Variants in DENND4A observed in about 807,000 individuals in gnomAD.
DENND4A encodes the protein DENN domain containing 4A.
In DENND4A, 70 loss-of-function variants were observed where a neutral mutation model predicts 199.3. The ratio of observed to expected loss-of-function variants is 0.35; its 90% CI spans 0.29 to 0.43. DENND4A has a LOEUF of 0.43. Among genes scored for constraint, DENND4A ranks in the 20% least tolerant of loss-of-function variants. DENND4A has a pLI of 1.00. For synonymous variants in DENND4A, 686 were observed against 766.9 expected (o/e 0.89, Z 1.74); for missense variants, 1,723 against 2,255.8 (o/e 0.76, Z 4.78).
intron 13 of DENND4A, among the ~76,000 whole-genome samples, 185 bp from the exon 14 acceptor site, chr15:65,715,808 A>C (rs2075381014): frequency 6.6e-6 from 1 of 152,100 alleles, no homozygotes; most frequent in African/African-American, 2.4e-5. Flanking sequence ...AGGAACATAA[A>C]CCCAGATCTC....
chr15:65,726,056 A>G (rs1383729247), intron 11 of DENND4A: 5 of 152,212 alleles, frequency 3.3e-5, no homozygotes, highest in Admixed American at 3.3e-4. Flanking sequence ...TCTTTAACTC[A>G]TTAGTGATCA....
chr15:65,690,730 G>A lies in DENND4A; in HGVS notation c.3864C>T (p.Val1288=), dbSNP rs369999751. 4 of 1,613,394 alleles carry A rather than the reference G, an allele frequency of 2.5e-6. No homozygotes were observed. The highest frequency in any genetic ancestry group is 3.3e-5 in the Admixed American group (2 of 59,908). Residue 1288 remains valine, a synonymous_variant, in exon 23 of 33, where the codon GTC becomes GTT. Transcript: ENST00000443035. The part of the protein sequence containing the change: ...DKLNKKSPPL[V]KACRRSSLPP... ...GCAGACTAGATCTTCTGCATGCCTT[G>A]ACCAATGGTGGACTTTTCTTATTTA...
Position 65,756,400 on chromosome 15 carries a change from T to C in DENND4A, c.51A>G (p.Gly17=), listed in dbSNP as rs1258228921. ...PRVADYFVVA[G]LTDVSKPLEE... is the part of the protein sequence containing the mutation. ...CTAGAGGCTTTGAAACATCAGTTAA[T>C]CCTGCTACAACAAAGTAGTCAGCAA... The change falls in exon 3 of 33, where the codon GGA becomes GGG. Residue 17 remains glycine (G), a synonymous_variant. Transcript: ENST00000443035. The C allele has an allele frequency of 6.2e-7, 1 of 1,613,798 alleles. No homozygotes were observed. Among genetic ancestry groups the C allele is most frequent in the African/African-American group, 1.3e-5 (1 of 75,006 alleles).
intron 12 of DENND4A, among the ~76,000 whole-genome samples, chr15:65,720,791 T>C (rs7167810): frequency 0.2 from 30,860 of 150,974 alleles, 4,205 homozygotes; most frequent in East Asian, 0.73. Flanking sequence ...CCTCCTTCAA[T>C]CTCATTCTCA....
At chr15:65,763,947 T>C (rs2076918930) in intron 1 of DENND4A, among the ~76,000 whole-genome samples, 1 of 152,220 alleles carries the variant, frequency 6.6e-6, no homozygotes, top group Non-Finnish European at 1.5e-5. Context: ...ACTGACTTGC[T>C]GAAACATTTT....
intron 32 of DENND4A, among the ~76,000 whole-genome samples, chr15:65,662,473 A>AT (rs886092746): frequency 3.3e-5 from 5 of 151,428 alleles, no homozygotes; most frequent in African/African-American, 7.3e-5. Context: ...CCATGTAATG[A>AT]TTTTTTTTTC....
chr15:65,694,647 C>T (rs2077084347), intron 22 of DENND4A, among the ~76,000 whole-genome samples: 1 of 152,036 alleles, frequency 6.6e-6, no homozygotes, highest in African/African-American at 2.4e-5. Flanking sequence ...CCGAAAAATG[C>T]TTTAAATCCT....
chr15:65,712,101 C>G (rs1281550804), intron 14 of DENND4A, among the ~76,000 whole-genome samples: 1 of 152,086 alleles, frequency 6.6e-6, no homozygotes, highest in Admixed American at 6.5e-5. Flanking sequence ...CCATCTTTTC[C>G]CTATTCCAAA....
At chr15:65,711,029 CT>C (rs1054305732) in intron 14 of DENND4A, among the ~76,000 whole-genome samples, 18 of 152,046 alleles carry the variant, frequency 1.2e-4, no homozygotes, top group African/African-American at 4.3e-4. Context: ...AATTAAACCT[CT>C]TTTTTTTATT....
chr15:65,784,371 A>T (rs898723515), intron 1 of DENND4A, among the ~76,000 whole-genome samples: 3 of 152,152 alleles, frequency 2.0e-5, no homozygotes, highest in Non-Finnish European at 4.4e-5. Context: ...GTTAGTAGTA[A>T]TGTACCAACA....
intron 13 of DENND4A, among the ~76,000 whole-genome samples, chr15:65,715,961 A>AAT (rs1181755515): frequency 6.6e-6 from 1 of 151,898 alleles, no homozygotes; most frequent in Non-Finnish European, 1.5e-5. Context: ...TCTCCATATA[A>AAT]ATATATATAT....
At chr15:65,788,711 C>A (rs909406094) in intron 1 of DENND4A, among the ~76,000 whole-genome samples, 2 of 151,902 alleles carry the variant, frequency 1.3e-5, no homozygotes, top group Non-Finnish European at 2.9e-5. Flanking sequence ...AAACATTAGC[C>A]AAGCACAGTG....
At chr15:65,749,976 T>C (rs2076517773) in intron 4 of DENND4A, among the ~76,000 whole-genome samples, 1 of 152,212 alleles carries the variant, frequency 6.6e-6, no homozygotes, top group Non-Finnish European at 1.5e-5. Context: ...GTAGCATTAC[T>C]AGGAATGGAA....
intron 1 of DENND4A, among the ~76,000 whole-genome samples, chr15:65,769,273 T>TG (rs77672853): frequency 0.2 from 30,021 of 151,734 alleles, 3,997 homozygotes; most frequent in East Asian, 0.73. Context: ...TTTCCTAAGT[T>TG]TTATAGTAAG....
chr15:65,679,583 G>A (rs907455243), intron 23 of DENND4A, among the ~76,000 whole-genome samples: 2 of 151,358 alleles, frequency 1.3e-5, no homozygotes, highest in Non-Finnish European at 2.9e-5. Flanking sequence ...CAGGCTGGAG[G>A]ACAGTGGCAC....
chr15:65,739,470 T>G (rs2076196717), intron 5 of DENND4A, among the ~76,000 whole-genome samples: 1 of 152,206 alleles, frequency 6.6e-6, no homozygotes. Context: ...AACTAATGTT[T>G]ACATTAGGAA....
intron 14 of DENND4A, among the ~76,000 whole-genome samples, chr15:65,714,424 CA>C (rs56931007): frequency 0.5 from 73,998 of 147,990 alleles, 19,082 homozygotes; most frequent in East Asian, 0.81. Context: ...AAAAAAAAAA[CA>C]AAAAAAAAAC....
intron 8 of DENND4A, among the ~76,000 whole-genome samples, chr15:65,732,531 T>C (rs954321844): frequency 3.3e-5 from 5 of 152,144 alleles, no homozygotes; most frequent in Admixed American, 1.3e-4. Flanking sequence ...TACTTCAACC[T>C]ACTTCTTTAA....
chr15:65,789,333 T>G (rs1188312065), intron 1 of DENND4A, among the ~76,000 whole-genome samples: 2 of 152,082 alleles, frequency 1.3e-5, no homozygotes, highest in African/African-American at 4.8e-5. Flanking sequence ...ATAACAGGCG[T>G]GAGCCACCTC....
Sources: gnomAD v4.1 joint callset for allele counts (sites outside exome capture counted in the v4.1 genomes callset) on GRCh38, gnomAD v4.1.1 for gene constraint, MANE v1.5 for transcripts, NCBI Gene and HGNC (gene_info 2026-07-23, HGNC 2026-07-21) for gene names.